Variants in ATP8B4 observed in about 807,000 individuals in gnomAD.
ATP8B4 encodes ATPase phospholipid transporting 8B4 (putative), also known as probable phospholipid-transporting ATPase IM.
ATP8B4 carries 133 observed loss-of-function variants against 145.6 expected under a neutral mutation model. That is an observed-to-expected ratio of 0.91 (90% CI 0.79 to 1.05). The LOEUF (loss-of-function observed/expected upper bound fraction) is 1.05, where lower values mean the gene tolerates loss of function less well. Ranked by LOEUF, ATP8B4 falls within the 50% of genes least tolerant of loss-of-function variation. The pLI is 0.00. For synonymous variants in ATP8B4, 507 were observed against 492.9 expected, an observed-to-expected ratio of 1.03 and a Z score of -0.38; for missense variants, 1,458 against 1,425.2, an observed-to-expected ratio of 1.02 and a Z score of -0.37.
At chr15:49,915,243 G>A (rs924892736) in intron 20 of ATP8B4, among the ~76,000 whole-genome samples, 1 of 152,046 alleles carries the variant, frequency 6.6e-6, no homozygotes, top group Non-Finnish European at 1.5e-5. Context: ...ACTCCTATGC[G>A]AAAACTAAAA....
chr15:50,173,629 C>T lies in ATP8B4; in HGVS notation c.-43+8632G>A, dbSNP rs535327049. ...TTTGTTCACATGTTTATCTGCTGAC[C>T]TTCCCTCCACTATTGTCCTATGACC... On this transcript the variant is annotated intron_variant, in intron 1 of 3. Coordinates refer to the ATP8B4 transcript ENST00000558829. Among the ~76,000 whole-genome samples the T allele has an allele frequency of 1.2e-4, 19 of 152,098 alleles. No individual in the cohort carries two copies. The East Asian group carries it at 2.3e-3, about 19-fold the overall frequency.
intron 3 of ATP8B4, among the ~76,000 whole-genome samples, chr15:50,061,571 C>G (rs1316945321): frequency 6.6e-6 from 1 of 151,814 alleles, no homozygotes; most frequent in Non-Finnish European, 1.5e-5. Flanking sequence ...ATTAAAGAAA[C>G]AAAAAAAATT....
intron 2 of ATP8B4, among the ~76,000 whole-genome samples, chr15:50,095,564 C>A (rs2055920588): frequency 6.6e-6 from 1 of 151,982 alleles, no homozygotes; most frequent in South Asian, 2.1e-4. Context: ...CAAGACAAAC[C>A]TGAACAGTAT....
intron 20 of ATP8B4, chr15:49,901,846 T>C (rs959585537): frequency 4.8e-6 from 2 of 418,898 alleles, no homozygotes; most frequent in Non-Finnish European, 9.3e-6. Context: ...GTATTCAGCT[T>C]AAAAAATAGA....
At chr15:50,054,783 C>CAA (rs55783703) in intron 3 of ATP8B4, among the ~76,000 whole-genome samples, 52 of 81,864 alleles carry the variant, frequency 6.4e-4, no homozygotes, top group Non-Finnish European at 8.2e-4. Context: ...GACTCCGCCT[C>CAA]AAAAAAAAAA....
intron 16 of ATP8B4, among the ~76,000 whole-genome samples, chr15:49,925,084 G>A (rs2040595811): frequency 6.6e-6 from 1 of 151,804 alleles, no homozygotes; most frequent in African/African-American, 2.4e-5. Flanking sequence ...TGCTGAGTGA[G>A]GATTCTAAAA....
At chr15:50,173,104 C>G (rs552326137) in intron 1 of ATP8B4, among the ~76,000 whole-genome samples, 12,413 of 145,458 alleles carry the variant, frequency 0.085, 756 homozygotes, top group African/African-American at 0.15. Flanking sequence ...AGCCGCCGCC[C>G]CGTCTGGGAG....
chr15:49,906,368 C>T (rs993770903), intron 20 of ATP8B4, among the ~76,000 whole-genome samples: 1 of 152,192 alleles, frequency 6.6e-6, no homozygotes, highest in East Asian at 1.9e-4. Context: ...ACAGTCCCAA[C>T]AACAGCATAC....
At chr15:49,951,259 T>C (rs997831480) in intron 14 of ATP8B4, among the ~76,000 whole-genome samples, 26 of 152,174 alleles carry the variant, frequency 1.7e-4, no homozygotes, top group Non-Finnish European at 3.1e-4. Context: ...CCTTGGTAAT[T>C]TGCAGTCTCA....
intron 12 of ATP8B4, among the ~76,000 whole-genome samples, chr15:49,977,838 T>G (rs190317855): frequency 7.2e-5 from 11 of 152,278 alleles, no homozygotes; most frequent in Admixed American, 7.2e-4. Context: ...ATAAAGTAAC[T>G]CAGAAATTAA....
At chr15:49,932,216 G>T (rs28465431) in intron 15 of ATP8B4, among the ~76,000 whole-genome samples, 20,552 of 151,534 alleles carry the variant, frequency 0.14, 2,093 homozygotes, top group African/African-American at 0.28. Context: ...TTGTTAAAAA[G>T]AAACAAATCA....
chr15:50,113,174 C>T (rs1011446762), intron 1 of ATP8B4: 1 of 152,368 alleles, frequency 6.6e-6, no homozygotes, highest in Non-Finnish European at 1.5e-5. Context: ...ACAGGCATCC[C>T]TGCCTGCCAA....
intron 1 of ATP8B4, among the ~76,000 whole-genome samples, chr15:50,175,740 A>G (rs1001409486): frequency 6.6e-6 from 1 of 152,222 alleles, no homozygotes; most frequent in Non-Finnish European, 1.5e-5. Flanking sequence ...ACTCTTCTAC[A>G]CTGCTAGTGG....
chr15:49,897,245 C>CA lies in ATP8B4; in HGVS notation c.2697+46dup, dbSNP rs202140689. 1,230 of 1,473,836 alleles carry CA rather than the reference C, an allele frequency of 8.3e-4. 4 individuals are homozygous for CA. The African/African-American group carries it at 9.5e-3, about 11-fold the overall frequency. The allele number at this position is 1,473,836 out of a possible 1,614,324, so 91.3% of individuals were successfully genotyped here. On this transcript the variant is annotated intron_variant, in intron 23 of 27. Coordinates refer to ENST00000284509, the MANE Select transcript of ATP8B4 (RefSeq NM_024837.4). ...AAGAAGAGTCATTTGTAATATCATA[C>CA]AAAAACAAACAAACAAACAAACAAA...
chr15:49,876,488 C>A lies in ATP8B4; in HGVS notation c.2817G>T (p.Gln939His), dbSNP rs1566912054. Residue 939 changes from glutamine to histidine, a missense_variant, in exon 25 of 28, where the codon CAG (glutamine) becomes CAT (histidine). Physicochemically the swap from Gln to His is conservative, Grantham distance 24. Coordinates refer to ENST00000284509, the MANE Select transcript of ATP8B4 (RefSeq NM_024837.4). Reference protein sequence around the residue: ...VSDQNSVDCPQLYKPGQLNLL... With the variant: ...VSDQNSVDCPHLYKPGQLNLL... ...GATTCAGCTGTCCTGGTTTGTAGAG[C>A]TGGGGACAGTCCACGCTGTTCTGGT... is the stretch of plus-strand genomic sequence containing the variant. The A allele has an allele frequency of 6.2e-7, 1 of 1,614,094 alleles. No individual in the cohort carries two copies.
chr15:50,022,153 C>CCA (rs1158125992), intron 6 of ATP8B4, among the ~76,000 whole-genome samples: 26 of 100,988 alleles, frequency 2.6e-4, no homozygotes, highest in East Asian at 4.1e-4. Flanking sequence ...TGTATATTTG[C>CCA]CACAAAAAAA....
chr15:49,998,862 T>C (rs2047647479), intron 8 of ATP8B4, among the ~76,000 whole-genome samples: 1 of 152,198 alleles, frequency 6.6e-6, no homozygotes, highest in South Asian at 2.1e-4. Flanking sequence ...CTAGGGTTTT[T>C]ATGGTTTTAG....
intron 2 of ATP8B4, among the ~76,000 whole-genome samples, chr15:50,075,514 C>A (rs562054905): frequency 1.3e-5 from 2 of 152,300 alleles, no homozygotes; most frequent in East Asian, 3.9e-4. Context: ...TGTCCAGTAA[C>A]CACCTGCATG....
chr15:49,942,974 C>A (rs1334179201), intron 14 of ATP8B4, among the ~76,000 whole-genome samples: 1 of 151,846 alleles, frequency 6.6e-6, no homozygotes, highest in African/African-American at 2.4e-5. Flanking sequence ...GACGCATAAG[C>A]AAAATTAACA....
Sources: gnomAD v4.1 joint callset for allele counts (sites outside exome capture counted in the v4.1 genomes callset) on GRCh38, gnomAD v4.1.1 for gene constraint, MANE v1.5 for transcripts, NCBI Gene and HGNC (gene_info 2026-07-23, HGNC 2026-07-21) for gene names.